FKTN: variants seen among roughly 807,000 people sequenced by gnomAD.
FKTN encodes the protein ribitol-5-phosphate transferase FKTN.
In FKTN, 47 loss-of-function variants were observed where a neutral mutation model predicts 58.6. The ratio of observed to expected loss-of-function variants is 0.80; its 90% confidence interval spans 0.63 to 1.02. The LOEUF is 1.02. Among genes scored for constraint, FKTN ranks in the 50% least tolerant of loss-of-function variants. The probability of loss-of-function intolerance (pLI) is 0.00; values close to 1 mark genes in which losing one functional copy is unlikely to be tolerated. For missense variants in FKTN, 516 were observed against 537.3 expected, an observed-to-expected ratio of 0.96 and a Z score of 0.39; for synonymous variants, 178 against 191.9, an observed-to-expected ratio of 0.93 and a Z score of 0.60.
At chr9:105,629,682 G>A (rs181247659) in intron 10 of FKTN, among the ~76,000 whole-genome samples, 1 of 152,164 alleles carries the variant, frequency 6.6e-6, no homozygotes, top group East Asian at 1.9e-4. Flanking sequence ...TAAATTGATA[G>A]TTTTTAATGT....
chr9:105,609,387 C>A (rs1390087848), intron 7 of FKTN, among the ~76,000 whole-genome samples: 1 of 151,926 alleles, frequency 6.6e-6, no homozygotes, highest in Non-Finnish European at 1.5e-5. Flanking sequence ...TTGACCACAA[C>A]TTCAAAAAAT....
intron 1 of FKTN, among the ~76,000 whole-genome samples, chr9:105,559,706 T>C (rs1837914386): frequency 6.6e-6 from 1 of 151,988 alleles, no homozygotes; most frequent in Non-Finnish European, 1.5e-5. Context: ...AAAGTTAATT[T>C]TGAACATGTT....
chr9:105,618,891 A>G (rs1831316869), intron 9 of FKTN, among the ~76,000 whole-genome samples: 1 of 151,628 alleles, frequency 6.6e-6, no homozygotes, highest in Admixed American at 6.6e-5. Context: ...CCCCATCTCT[A>G]CTAAAAATAC....
chr9:105,615,390 G>A lies in FKTN; in HGVS notation c.893G>A (p.Ser298Asn). Residue 298 changes from serine to asparagine, a missense_variant, in exon 8 of 11, where the codon AGC becomes AAC. Physicochemically the swap from Ser to Asn is conservative, Grantham distance 46. Transcript: ENST00000357998. ...LNKLGVPFWL[S>N]SGTCLGWYRQ... Reference sequence around the variant, plus strand: ...AAATTGGGAGTACCATTCTGGCTGAGCAGTGGAACTTGTCTAGGTAAAATT... The same window carrying A: ...AAATTGGGAGTACCATTCTGGCTGAACAGTGGAACTTGTCTAGGTAAAATT... 6.2e-7 allele frequency: 1 copy of A among 1,614,086 alleles called. No homozygotes were observed. The highest frequency in any genetic ancestry group is 8.5e-7 in the Non-Finnish European group (1 of 1,179,940).
At position 105,639,586 on chromosome 9, in the gene FKTN, C is replaced by T. The variant is rs1462350693; in HGVS notation, c.*4322C>T. 1.0e-6 allele frequency: 1 copy of T among 981,388 alleles called. No homozygotes were observed. The highest frequency in any genetic ancestry group is 1.7e-5 in the African/African-American group (1 of 57,160). The allele number at this position is 981,388 out of a possible 1,614,324, so 60.8% of individuals were successfully genotyped here. A position where few individuals can be genotyped will look rare whatever the true frequency, so the allele number is the denominator to read the frequency against. On this transcript the variant is annotated 3_prime_UTR_variant, in exon 11 of 11. Coordinates refer to ENST00000357998, the MANE Select transcript of FKTN (RefSeq NM_001079802.2). ...TAATCTTCAAATGGAATTATAGAAA[C>T]CATGGGTCAGAACATATTCCTTTAC...
chr9:105,586,488 G>A (rs1039164441), intron 3 of FKTN, among the ~76,000 whole-genome samples: 2 of 152,152 alleles, frequency 1.3e-5, no homozygotes, highest in Non-Finnish European at 2.9e-5. Flanking sequence ...TATGATAATT[G>A]TGTGTGTTCA....
intron 6 of FKTN, among the ~76,000 whole-genome samples, chr9:105,604,745 A>G (rs542602840): frequency 6.6e-6 from 1 of 152,246 alleles, no homozygotes; most frequent in African/African-American, 2.4e-5. Flanking sequence ...ACCTGAGGTC[A>G]GGAGTTCGAG....
intron 1 of FKTN, among the ~76,000 whole-genome samples, chr9:105,569,775 G>A (rs1241477607): frequency 2.6e-5 from 4 of 152,084 alleles, no homozygotes; most frequent in Middle Eastern, 3.4e-3. Context: ...CTTAAACTTC[G>A]TAACTCCCCT....
At chr9:105,633,085 T>C (rs1290405957) in intron 10 of FKTN, among the ~76,000 whole-genome samples, 1 of 152,206 alleles carries the variant, frequency 6.6e-6, no homozygotes, top group Non-Finnish European at 1.5e-5. Flanking sequence ...ATCTTTCCTC[T>C]TAGGAAGCTG....
chr9:105,560,090 A>C (rs1838007797), intron 1 of FKTN, among the ~76,000 whole-genome samples: 1 of 152,210 alleles, frequency 6.6e-6, no homozygotes, highest in East Asian at 1.9e-4. Flanking sequence ...AATAGATATA[A>C]TCTCCACTGC....
rs991588482 is a variant in FKTN, at chr9:105,636,071, C to A, written c.*807C>A. 2.1e-5 allele frequency: 21 copies of A among 984,336 alleles called. 1 individual carries two copies. The highest frequency in any genetic ancestry group is 2.5e-5 in the Non-Finnish European group (21 of 829,152). The allele number at this position is 984,336 out of a possible 1,614,324, so 61.0% of individuals were successfully genotyped here. A position where few individuals can be genotyped will look rare whatever the true frequency, so the allele number is the denominator to read the frequency against. The stretch of plus-strand genomic sequence containing the variant: ...TTACTAGACATGATCTTGAAAGAGG[C>A]CATGATTTCACAAAACTCATTTTTA... On this transcript the variant is annotated 3_prime_UTR_variant, in exon 11 of 11. Transcript: ENST00000357998.
In FKTN at chr9:105,625,361, A is replaced by C. The variant is rs939532549; in HGVS notation, c.1172+5300A>C. ...CCTCTAGGAAAAGAGACTTAGGGCC[A>C]TGTAAAGATGATATTTGGCAATGCT... On this transcript the variant is annotated intron_variant, in intron 10 of 10. Transcript: ENST00000357998. Among the ~76,000 whole-genome samples the C allele has an allele frequency of 2.0e-5, 3 of 152,210 alleles. No individual in the cohort carries two copies. The South Asian group carries it at 6.2e-4, about 31-fold the overall frequency.
At chr9:105,579,002 G>A (rs1444400595) in intron 3 of FKTN, among the ~76,000 whole-genome samples, 10 of 151,360 alleles carry the variant, frequency 6.6e-5, no homozygotes, top group East Asian at 1.9e-4. Flanking sequence ...CAGTGGGATC[G>A]GTGGTGATAT....
In FKTN at chr9:105,638,129, T is replaced by C. The variant is rs1478468030; in HGVS notation, c.*2865T>C. 5.1e-6 allele frequency: 5 copies of C among 981,972 alleles called. No homozygotes were observed. The Admixed American group carries it at 1.8e-4, about 36-fold the overall frequency. The allele number at this position is 981,972 out of a possible 1,614,324, so 60.8% of individuals were successfully genotyped here. A position where few individuals can be genotyped will look rare whatever the true frequency, so the allele number is the denominator to read the frequency against. On this transcript the variant is annotated 3_prime_UTR_variant, in exon 11 of 11. Transcript: ENST00000357998. ...AATAAATAATCACAGAAAAGAATGA[T>C]CTGAACAAGAACAGCTGAGGCTAAA... is the stretch of plus-strand genomic sequence containing the variant.
intron 8 of FKTN, 92 bp downstream of exon 8, chr9:105,615,499 T>C: frequency 8.2e-7 from 1 of 1,222,456 alleles, no homozygotes; most frequent in Non-Finnish European, 1.2e-6. Flanking sequence ...ATCAGTGACA[T>C]TTGAAGTGTC....
At chr9:105,579,334 T>G (rs1042257991) in intron 3 of FKTN, among the ~76,000 whole-genome samples, 3 of 152,232 alleles carry the variant, frequency 2.0e-5, no homozygotes, top group Non-Finnish European at 2.9e-5. Context: ...CACATTGCTT[T>G]AAACATGTCC....
At chr9:105,563,966 C>T (rs1027362620) in intron 1 of FKTN, among the ~76,000 whole-genome samples, 4 of 152,200 alleles carry the variant, frequency 2.6e-5, no homozygotes, top group African/African-American at 7.2e-5. Context: ...TCCAGAGGAA[C>T]GATCAGGCAG....
chr9:105,640,038 AG>A lies in FKTN; in HGVS notation c.*4776del. ...TGAATGCCTGTATCATTGTTAATAA[AG>A]GAGAATTGAAAATACTCATTTCTAC... On this transcript the variant is annotated 3_prime_UTR_variant, in exon 11 of 11. Transcript: ENST00000357998. 6.5e-7 allele frequency: 1 copy of A among 1,532,852 alleles called. No homozygotes were observed. 95.0% of individuals were successfully genotyped at this position (1,532,852 alleles called of 1,614,324 possible).
chr9:105,614,879 T>C (rs1468306344), intron 7 of FKTN, among the ~76,000 whole-genome samples: 1 of 148,864 alleles, frequency 6.7e-6, no homozygotes, highest in Non-Finnish European at 1.5e-5. Flanking sequence ...TTTTCTCCTT[T>C]CTTTCTTTTT....
Sources: allele counts gnomAD v4.1 joint callset (sites outside exome capture counted in the v4.1 genomes callset), GRCh38; gene constraint gnomAD v4.1.1; transcripts MANE v1.5; gene names NCBI Gene and HGNC (gene_info 2026-07-23, HGNC 2026-07-21).